The following OR11A1 variants were observed in gnomAD, a reference collection of about 807,000 sequenced individuals.
The protein encoded by OR11A1 is olfactory receptor family 11 subfamily A member 1.
For missense variants in OR11A1, 380 were observed against 378.2 expected (o/e 1.00, Z -0.04); for synonymous variants, 158 against 152.2 (o/e 1.04, Z -0.28).
At chr6:29,444,045 CA>C (rs1709532312) in intron 1 of OR11A1, among the ~76,000 whole-genome samples, 1 of 151,924 alleles carries the variant, frequency 6.6e-6, no homozygotes, top group African/African-American at 2.4e-5. Flanking sequence ...TCTATGTCCC[CA>C]CCCAAATCTC....
Position 29,453,506 on chromosome 6 carries a change from C to T in OR11A1, c.-389+3481G>A, listed in dbSNP as rs1785680516. Among the ~76,000 whole-genome samples the T allele has an allele frequency of 6.6e-6, 1 of 152,066 alleles. No homozygotes were observed. The highest frequency in any genetic ancestry group is 2.4e-5 in the African/African-American group (1 of 41,410). On this transcript the variant is annotated intron_variant, in intron 1 of 4. Transcript: ENST00000377149. The surrounding 1 kb of genome is among the most constrained non-coding windows in gnomAD (Gnocchi z 4.5). ...AGTCAGGAATGGCCATGAAAATCAA[C>T]AATTACACTATTAAAGAGGGTTGAG...
chr6:29,440,964 G>A (rs753369319), intron 1 of OR11A1: 16 of 1,558,510 alleles, frequency 1.0e-5, no homozygotes, highest in Admixed American at 1.7e-5. Flanking sequence ...AAAAGGGGGC[G>A]ATAGTGACTT....
chr6:29,427,746 A>C lies in OR11A1; in HGVS notation c.-91-14T>G. 2.8e-6 allele frequency: 4 copies of C among 1,454,448 alleles called. No homozygotes were observed. The highest frequency in any genetic ancestry group is 2.7e-6 in the Non-Finnish European group (3 of 1,103,416). The allele number at this position is 1,454,448 out of a possible 1,614,324, so 90.1% of individuals were successfully genotyped here. A position where few individuals can be genotyped will look rare whatever the true frequency, so the allele number is the denominator to read the frequency against. On this transcript the variant is annotated splice_polypyrimidine_tract_variant and intron_variant, in intron 4 of 4. Transcript: ENST00000377149. Reference sequence around the variant, plus strand: ...ACGTTATTAGAGCTAAAACAAAACAAAACAAAAAAGACAAAAATGAGTCTC... The same window carrying C: ...ACGTTATTAGAGCTAAAACAAAACACAACAAAAAAGACAAAAATGAGTCTC...
intron 1 of OR11A1, among the ~76,000 whole-genome samples, chr6:29,435,353 C>T (rs986329961): frequency 6.6e-6 from 1 of 152,228 alleles, no homozygotes; most frequent in Non-Finnish European, 1.5e-5. Flanking sequence ...TTCACGGGGG[C>T]TAACTTCAAG....
intron 3 of OR11A1, 145 bp from the exon 4 acceptor site, chr6:29,429,105 A>G (rs1268971665): frequency 1.3e-5 from 2 of 156,322 alleles, no homozygotes; most frequent in Non-Finnish European, 2.8e-5. Flanking sequence ...AATATACATT[A>G]TATTTATTAT....
chr6:29,443,721 G>A (rs1370185330), intron 1 of OR11A1, among the ~76,000 whole-genome samples: 1 of 152,168 alleles, frequency 6.6e-6, no homozygotes, highest in Non-Finnish European at 1.5e-5. Flanking sequence ...AAGAAATTAA[G>A]TAATCACTTT....
intron 1 of OR11A1, chr6:29,440,840 C>T: frequency 6.2e-7 from 1 of 1,613,846 alleles, no homozygotes; most frequent in Non-Finnish European, 8.5e-7. Context: ...TGGTGTCCCT[C>T]TTCTATGCTG....
At position 29,456,467 on chromosome 6, in the gene OR11A1, G is replaced by A. The variant is rs1014207225; in HGVS notation, c.-389+520C>T. On this transcript the variant is annotated intron_variant, in intron 1 of 4. Transcript: ENST00000377149. ...AGAGTTTTCAGTGAGCCGAGATCGC[G>A]CCACTGCACTCCAGCCTGGGCAACA... Among the ~76,000 whole-genome samples, 4 of 143,122 alleles carry A rather than the reference G, an allele frequency of 2.8e-5. No homozygotes were observed. The East Asian group carries it at 6.3e-4, about 23-fold the overall frequency. The allele number at this position is 143,122 out of a possible 152,430, so 93.9% of individuals were successfully genotyped here.
At chr6:29,440,069 C>A in intron 1 of OR11A1, 1 of 1,613,200 alleles carries the variant, frequency 6.2e-7, no homozygotes, top group Non-Finnish European at 8.5e-7. Context: ...GCTTCTCCCA[C>A]CTGGCCGACC....
In OR11A1 at chr6:29,439,966, AT is replaced by A. The variant is rs761088201; in HGVS notation, c.-388-7980del. ...CCCATTTCACGATTCCATAGTTGTG[AT>A]TTTTCCTTGCCATTTCTTTTGTCTT... On this transcript the variant is annotated intron_variant, in intron 1 of 4. Coordinates refer to ENST00000377149, the MANE Select transcript of OR11A1 (RefSeq NM_001394828.1). 3.4e-6 allele frequency: 5 copies of A among 1,477,942 alleles called. No individual in the cohort carries two copies. The East Asian group carries it at 9.1e-5, about 27-fold the overall frequency. 91.6% of individuals were successfully genotyped at this position (1,477,942 alleles called of 1,614,324 possible).
At chr6:29,448,637 T>A (rs1785025273) in intron 1 of OR11A1, among the ~76,000 whole-genome samples, 1 of 152,192 alleles carries the variant, frequency 6.6e-6, no homozygotes, top group Admixed American at 6.5e-5. Context: ...TTCTGGCAAT[T>A]TTCTGTGTCC....
intron 4 of OR11A1, among the ~76,000 whole-genome samples, 157 bp downstream of exon 4, chr6:29,428,756 C>CAAAAAAAAA (rs11424255): frequency 2.1e-5 from 1 of 47,874 alleles, no homozygotes; most frequent in Admixed American, 3.3e-4. Context: ...AACTCCATCT[C>CAAAAAAAAA]AAAAAAAAAA....
rs376499437 is a variant in OR11A1 at position 29,427,242 on chromosome 6, G to T, written c.400C>A (p.Pro134Thr). The change falls in exon 5 of 5, where the codon CCA becomes ACA. Residue 134 changes from proline (P) to threonine (T), a missense_variant. Transcript: ENST00000377149. Reference sequence around the variant, plus strand: ...TACCGTCTGGGCCCCATCAGGAGTGGGTAGTGGAGTGGGTAGCAAATTGCC... The same window carrying T: ...TACCGTCTGGGCCCCATCAGGAGTGTGTAGTGGAGTGGGTAGCAAATTGCC... ...YLAICYPLHY[P>T]LLMGPRRYMG... 210 of 1,612,978 alleles carry T rather than the reference G, an allele frequency of 1.3e-4. No individual in the cohort carries two copies. Among genetic ancestry groups the T allele is most frequent in the Non-Finnish European group, 1.7e-4 (197 of 1,180,022 alleles).
At chr6:29,437,102 A>G (rs1783695252) in intron 1 of OR11A1, among the ~76,000 whole-genome samples, 1 of 152,238 alleles carries the variant, frequency 6.6e-6, no homozygotes, top group Non-Finnish European at 1.5e-5. Context: ...ACTGTAAACT[A>G]GTTCAACCAT....
In OR11A1 at chr6:29,453,504, A is replaced by G. The variant is rs1183078396; in HGVS notation, c.-389+3483T>C. On this transcript the variant is annotated intron_variant, in intron 1 of 4. Transcript: ENST00000377149. This position sits in a 1 kb window ranked among gnomAD's most constrained non-coding sequence, Gnocchi z 4.5. ...CCAGTCAGGAATGGCCATGAAAATC[A>G]ACAATTACACTATTAAAGAGGGTTG... Among the ~76,000 whole-genome samples, 1 of 152,170 alleles carries G rather than the reference A, an allele frequency of 6.6e-6. No homozygotes were observed. Among genetic ancestry groups the G allele is most frequent in the Non-Finnish European group, 1.5e-5 (1 of 68,008 alleles).
At position 29,451,794 on chromosome 6, in the gene OR11A1, G is replaced by T. The variant is rs142148730; in HGVS notation, c.-389+5193C>A. ...GAAAGTGGTTTGGAGATTTCTCAAAGAACTTAAAACTGAACTGCCATTTGA... is the reference window on the plus strand; with the variant it reads ...GAAAGTGGTTTGGAGATTTCTCAAATAACTTAAAACTGAACTGCCATTTGA... On this transcript the variant is annotated intron_variant, in intron 1 of 4. Coordinates refer to ENST00000377149, the MANE Select transcript of OR11A1 (RefSeq NM_001394828.1). Among the ~76,000 whole-genome samples, 1,007 of 152,220 alleles carry T rather than the reference G, an allele frequency of 6.6e-3. 9 individuals carry two copies. Among genetic ancestry groups the T allele is most frequent in the Middle Eastern group, 0.01 (3 of 294 alleles).
Position 29,427,432 on chromosome 6 carries a change from G to C in OR11A1, c.210C>G (p.Phe70Leu). ...PMYIFLANLS[F>L]LDILYTSAVM... is the part of the protein sequence containing the mutation. ...CTGCGGAGGTGTAGAGAATATCCAGGAAGGACAGATTCGCCAAGAAAATAT... is the reference window on the plus strand; with the variant it reads ...CTGCGGAGGTGTAGAGAATATCCAGCAAGGACAGATTCGCCAAGAAAATAT... Residue 70 changes from phenylalanine (F) to leucine (L), a missense_variant, in exon 5 of 5, where the codon TTC (phenylalanine) becomes TTG (leucine). By Grantham distance (22) the Phe-to-Leu change is conservative. Transcript: ENST00000377149. 5 of 1,613,140 alleles carry C rather than the reference G, an allele frequency of 3.1e-6. No individual in the cohort carries two copies. The highest frequency in any genetic ancestry group is 1.3e-5 in the African/African-American group (1 of 75,062).
At chr6:29,441,277 A>T (rs1019864983) in intron 1 of OR11A1, among the ~76,000 whole-genome samples, 3 of 152,234 alleles carry the variant, frequency 2.0e-5, no homozygotes, top group African/African-American at 7.2e-5. Context: ...ATTTTCAGCC[A>T]CAACAATGAT....
chr6:29,426,640 A>G lies in OR11A1; in HGVS notation c.*54T>C. On this transcript the variant is annotated 3_prime_UTR_variant, in exon 5 of 5. Coordinates refer to ENST00000377149, the MANE Select transcript of OR11A1 (RefSeq NM_001394828.1). ...TTACTCCTCTCCAACCCATCCTGGA[A>G]GAGTCCCCAGTGGAGGTGTCCGAAG... The G allele has an allele frequency of 4.3e-6, 6 of 1,383,590 alleles. No individual in the cohort carries two copies. The highest frequency in any genetic ancestry group is 1.3e-5 in the South Asian group (1 of 75,536). The allele number at this position is 1,383,590 out of a possible 1,614,324, so 85.7% of individuals were successfully genotyped here. A position where few individuals can be genotyped will look rare whatever the true frequency, so the allele number is the denominator to read the frequency against.
Sources: gnomAD v4.1 joint callset for allele counts (sites outside exome capture counted in the v4.1 genomes callset) on GRCh38, gnomAD v4.1.1 for gene constraint, Gnocchi (gnomAD v3.1) non-coding constraint, MANE v1.5 for transcripts, NCBI Gene and HGNC (gene_info 2026-07-23, HGNC 2026-07-21) for gene names.